SKI: variants seen among roughly 807,000 people sequenced by gnomAD.
SKI encodes SKI proto-oncogene.
A neutral mutation model predicts 59.3 loss-of-function variants in SKI; 23 were observed. The ratio of observed to expected loss-of-function variants is 0.39; its 90% confidence interval spans 0.28 to 0.55. The LOEUF is 0.55. Ranked by LOEUF, SKI falls within the 20% of genes least tolerant of loss-of-function variation. The pLI, the probability that SKI is intolerant of heterozygous loss-of-function variation, is 0.67. For synonymous variants in SKI, 673 were observed against 488.6 expected (o/e 1.38, Z -4.98); for missense variants, 1,017 against 1,038.9 (o/e 0.98, Z 0.29).
At position 2,306,137 on chromosome 1, in the gene SKI, G is replaced by T; in HGVS notation, c.1885G>T (p.Glu629Ter). Residue 629 changes from glutamate to a stop codon, truncating the protein, a stop_gained, in exon 6 of 7, where the codon GAG becomes TAG. Transcript: ENST00000378536. LOFTEE classifies it high-confidence loss of function. ...LRAENEKKMK[E>*]ANESRLRLKR... ...CGCCGAGAACGAGAAGAAGATGAAA[G>T]AGGCCAACGAGTCACGGCTGCGCCT... 6.3e-7 allele frequency: 1 copy of T among 1,595,700 alleles called. No homozygotes were observed. Among genetic ancestry groups the T allele is most frequent in the Non-Finnish European group, 8.5e-7 (1 of 1,172,484 alleles).
intron 1 of SKI, chr1:2,232,650 G>A (rs1358520109): frequency 6.6e-6 from 1 of 152,398 alleles, no homozygotes; most frequent in African/African-American, 2.4e-5. Context: ...GGAAGACCAT[G>A]TGGGCTGCAT....
chr1:2,233,814 T>C (rs1256209496), intron 1 of SKI, among the ~76,000 whole-genome samples: 1 of 152,138 alleles, frequency 6.6e-6, no homozygotes, highest in Non-Finnish European at 1.5e-5. Flanking sequence ...TTTGCTGTTT[T>C]AAGCTGAAAT....
chr1:2,280,576 G>A (rs1639853549), intron 1 of SKI, among the ~76,000 whole-genome samples: 4 of 148,876 alleles, frequency 2.7e-5, no homozygotes, highest in African/African-American at 9.9e-5. Flanking sequence ...CACCTGAGAA[G>A]ACAGGCGGCG....
chr1:2,240,870 C>A, intron 1 of SKI: 2 of 909,680 alleles, frequency 2.2e-6, no homozygotes, highest in Non-Finnish European at 2.6e-6. Flanking sequence ...CCCTTCGGCA[C>A]TGCTGGGGAA....
intron 1 of SKI, among the ~76,000 whole-genome samples, chr1:2,233,994 GC>G (rs1281458732): frequency 6.6e-6 from 1 of 152,172 alleles, no homozygotes; most frequent in Non-Finnish European, 1.5e-5. Context: ...AAAAGTGTTT[GC>G]TGCAAGTGTT....
chr1:2,232,998 C>T (rs1375493409), intron 1 of SKI, among the ~76,000 whole-genome samples: 1 of 152,210 alleles, frequency 6.6e-6, no homozygotes, highest in African/African-American at 2.4e-5. Context: ...CATTGGACTA[C>T]ATTTTTTTGT....
Position 2,270,623 on chromosome 1 carries a change from G to A in SKI, c.970-32355G>A, listed in dbSNP as rs921118292. Among the ~76,000 whole-genome samples the A allele has an allele frequency of 1.3e-5, 2 of 152,112 alleles. No individual in the cohort carries two copies. The highest frequency in any genetic ancestry group is 2.1e-4 in the South Asian group (1 of 4,834). ...CGTGCCTCCCGGGCAGACACCTCAC[G>A]GCCTTTCTCTGGGTGTCTGAACCCA... On this transcript the variant is annotated intron_variant, in intron 1 of 6. Coordinates refer to ENST00000378536, the MANE Select transcript of SKI (RefSeq NM_003036.4). The surrounding 1 kb of genome is among the most constrained non-coding windows in gnomAD (Gnocchi z 4.1).
At chr1:2,279,325 T>C (rs544589010) in intron 1 of SKI, among the ~76,000 whole-genome samples, 1 of 152,326 alleles carries the variant, frequency 6.6e-6, no homozygotes, top group East Asian at 1.9e-4. Context: ...CACCCTCTGA[T>C]GACGGTGGGC....
At position 2,303,597 on chromosome 1, in the gene SKI, C is replaced by T. The variant is rs1049334559; in HGVS notation, c.1211+197C>T. 2.9e-5 allele frequency: 20 copies of T among 687,204 alleles called. No homozygotes were observed. The highest frequency in any genetic ancestry group is 1.6e-4 in the African/African-American group (9 of 55,456). 42.6% of individuals were successfully genotyped at this position (687,204 alleles called of 1,614,324 possible). On this transcript the variant is annotated intron_variant, in intron 3 of 6. Transcript: ENST00000378536. The surrounding 1 kb of genome is among the most constrained non-coding windows in gnomAD (Gnocchi z 5.6). ...GCGTTCCCTGTGTTCTGGGTGGAGT[C>T]GTGGGTGGAGCCCTGTCTGCTGGGC...
chr1:2,287,684 C>G (rs1640070254), intron 1 of SKI, among the ~76,000 whole-genome samples: 2 of 151,972 alleles, frequency 1.3e-5, no homozygotes, highest in African/African-American at 4.8e-5. Context: ...GTGGACGGGT[C>G]TTGCATGCGT....
At chr1:2,244,615 A>G (rs941177912) in intron 1 of SKI, among the ~76,000 whole-genome samples, 1 of 152,144 alleles carries the variant, frequency 6.6e-6, no homozygotes, top group Non-Finnish European at 1.5e-5. Context: ...TCTGTCATTT[A>G]GAGTGTCTTT....
chr1:2,292,964 C>G (rs1468944497), intron 1 of SKI, among the ~76,000 whole-genome samples: 2 of 152,214 alleles, frequency 1.3e-5, no homozygotes, highest in African/African-American at 2.4e-5. Context: ...TGGACTTCCT[C>G]CAGTCTCTGG....
chr1:2,304,713 C>G, intron 5 of SKI, 128 bp downstream of exon 5: 45 of 1,405,012 alleles, frequency 3.2e-5, no homozygotes, highest in Non-Finnish European at 4.2e-5. Flanking sequence ...CTGCCTCCAC[C>G]TCAGTGGGCC....
intron 1 of SKI, among the ~76,000 whole-genome samples, chr1:2,273,336 G>T (rs1387687491): frequency 6.6e-6 from 1 of 152,190 alleles, no homozygotes; most frequent in Non-Finnish European, 1.5e-5. Context: ...GAGACCCTCG[G>T]AAGTGTATGT....
intron 1 of SKI, among the ~76,000 whole-genome samples, chr1:2,251,557 G>A (rs1256434312): frequency 1.3e-5 from 2 of 152,136 alleles, no homozygotes; most frequent in East Asian, 1.9e-4. Context: ...TGGGGCCATC[G>A]AGGCTCATCC....
At chr1:2,232,995 C>G (rs1638675142) in intron 1 of SKI, among the ~76,000 whole-genome samples, 1 of 152,178 alleles carries the variant, frequency 6.6e-6, no homozygotes, top group African/African-American at 2.4e-5. Context: ...CTCCATTGGA[C>G]TACATTTTTT....
At chr1:2,260,565 G>C (rs1222340514) in intron 1 of SKI, among the ~76,000 whole-genome samples, 4 of 65,814 alleles carry the variant, frequency 6.1e-5, no homozygotes, top group Non-Finnish European at 1.1e-4. Context: ...TTTTGAGACA[G>C]GGTGTGGTTC....
chr1:2,285,248 C>T (rs1043206508), intron 1 of SKI, among the ~76,000 whole-genome samples: 3 of 152,128 alleles, frequency 2.0e-5, no homozygotes, highest in African/African-American at 7.2e-5. Context: ...CGCAGTGGCT[C>T]ACACCTGGAA....
Position 2,267,231 on chromosome 1 carries a change from G to T in SKI, c.970-35747G>T, listed in dbSNP as rs1237389395. Among the ~76,000 whole-genome samples the T allele has an allele frequency of 6.6e-6, 1 of 152,120 alleles. No individual in the cohort carries two copies. The highest frequency in any genetic ancestry group is 2.4e-5 in the African/African-American group (1 of 41,418). The stretch of plus-strand genomic sequence containing the variant: ...GTCCATATCGCTCTTAATAACATCT[G>T]CAGGCACAGGCGACGATAGCAGTTG... On this transcript the variant is annotated intron_variant, in intron 1 of 6. Transcript: ENST00000378536. The surrounding 1 kb of genome is among the most constrained non-coding windows in gnomAD (Gnocchi z 4.1).
Sources: allele counts gnomAD v4.1 joint callset (sites outside exome capture counted in the v4.1 genomes callset), GRCh38; gene constraint gnomAD v4.1.1; non-coding constraint Gnocchi (gnomAD v3.1); transcripts MANE v1.5; gene names NCBI Gene and HGNC (gene_info 2026-07-23, HGNC 2026-07-21).